The following DYM variants were observed in gnomAD, a reference collection of about 807,000 sequenced individuals.
DYM encodes the protein dymeclin.
In DYM, 78 loss-of-function variants were observed where a neutral mutation model predicts 93.1. That is an observed-to-expected ratio of 0.84 (90% CI 0.70 to 1.01). The LOEUF is 1.01. Among genes scored for constraint, DYM ranks in the 50% least tolerant of loss-of-function variants. The pLI is 0.00. For synonymous variants in DYM, 321 were observed against 319.7 expected (o/e 1.00, Z -0.04); for missense variants, 789 against 845.0 (o/e 0.93, Z 0.82).
At chr18:49,459,127 T>C (rs1001515211) in intron 1 of DYM, among the ~76,000 whole-genome samples, 4 of 152,242 alleles carry the variant, frequency 2.6e-5, no homozygotes, top group South Asian at 2.1e-4. Flanking sequence ...GACTTCTTAA[T>C]AGCTGAATCT....
At chr18:49,261,891 C>A (rs1223284864) in intron 11 of DYM, among the ~76,000 whole-genome samples, 3 of 152,074 alleles carry the variant, frequency 2.0e-5, no homozygotes, top group African/African-American at 7.2e-5. Context: ...ATTACTTTAT[C>A]TGCATATATA....
intron 1 of DYM, among the ~76,000 whole-genome samples, chr18:49,447,110 G>A (rs2082156897): frequency 1.3e-5 from 2 of 151,980 alleles, no homozygotes; most frequent in African/African-American, 4.8e-5. Context: ...GGGTTGGCCT[G>A]GGTGGATGTG....
At chr18:49,414,096 T>C (rs995277473) in intron 2 of DYM, among the ~76,000 whole-genome samples, 3 of 17,842 alleles carry the variant, frequency 1.7e-4, no homozygotes, top group Non-Finnish European at 2.9e-4. Flanking sequence ...ATTCCACTTA[T>C]ATGACAATAC....
chr18:49,074,205 A>G (rs1446185317), intron 17 of DYM, among the ~76,000 whole-genome samples: 1 of 152,016 alleles, frequency 6.6e-6, no homozygotes, highest in Non-Finnish European at 1.5e-5. Flanking sequence ...ATTCTGAGGA[A>G]AAAACAAGGA....
chr18:49,329,178 G>C (rs1788121), intron 8 of DYM, among the ~76,000 whole-genome samples: 2,721 of 150,956 alleles, frequency 0.018, 31 homozygotes, highest in Middle Eastern at 0.027. Flanking sequence ...GCAAACTATT[G>C]CAAGGACAGA....
chr18:49,440,922 T>TA lies in DYM; in HGVS notation c.-53-10476dup, dbSNP rs2081342894. 1.9e-3 allele frequency among the ~76,000 whole-genome samples: 10 copies of TA among 5,350 alleles called. 3 individuals carry two copies. The highest frequency in any genetic ancestry group is 4.9e-3 in the African/African-American group (8 of 1,624). The allele number at this position is 5,350 out of a possible 152,430, so 3.5% of individuals were successfully genotyped here. A position where few individuals can be genotyped will look rare whatever the true frequency, so the allele number is the denominator to read the frequency against. On this transcript the variant is annotated intron_variant, in intron 1 of 17. Transcript: ENST00000675505. Reference sequence around the variant, plus strand: ...TTATATAAATATATTATATTTTATATAATATATTATATAATATATAATATA... The same window carrying TA: ...TTATATAAATATATTATATTTTATATAAATATATTATATAATATATAATATA...
At chr18:49,114,727 TCTC>T (rs2081771847) in intron 16 of DYM, 1 of 235,776 alleles carries the variant, frequency 4.2e-6, no homozygotes, top group Non-Finnish European at 6.9e-6. Context: ...CTCAAGAGAT[TCTC>T]CTGACTCAGT....
intron 2 of DYM, among the ~76,000 whole-genome samples, chr18:49,417,532 C>A (rs2073131859): frequency 6.6e-6 from 1 of 150,896 alleles, no homozygotes; most frequent in South Asian, 2.1e-4. Flanking sequence ...AATGGTAAAT[C>A]CAATTAATTT....
chr18:49,352,575 G>GT (rs138097593), intron 6 of DYM, among the ~76,000 whole-genome samples: 3,971 of 152,278 alleles, frequency 0.026, 162 homozygotes, highest in African/African-American at 0.089. Flanking sequence ...TGAGAGGGAT[G>GT]TAATTGAATT....
intron 6 of DYM, among the ~76,000 whole-genome samples, chr18:49,353,620 T>A (rs771073863): frequency 6.6e-6 from 1 of 151,892 alleles, no homozygotes; most frequent in Non-Finnish European, 1.5e-5. Flanking sequence ...AAGGAGATAA[T>A]CATCTGAGCA....
intron 17 of DYM, among the ~76,000 whole-genome samples, chr18:49,093,991 G>T (rs944773453): frequency 3.3e-5 from 5 of 152,128 alleles, no homozygotes; most frequent in African/African-American, 1.2e-4. Context: ...TAATTCCTAT[G>T]ACTTATCAAG....
rs2067855688 is a variant in DYM at position 49,379,699 on chromosome 18, T to A, written c.253A>T (p.Thr85Ser). The change falls in exon 4 of 18, where the codon ACC becomes TCC. Residue 85 changes from threonine to serine, a missense_variant. Around this residue, in one of 3 missense-constraint regions of DYM, gnomAD observed 450 missense variants for 436.2 expected, o/e 1.03. Transcript: ENST00000675505. Reference protein sequence around the residue: ...GALIKVFLSRTKELKLSAECQ... With the variant: ...GALIKVFLSRSKELKLSAECQ... ...TCTGCTGAAAGTTTTAGTTCTTTGG[T>A]TCTAGAAAGGAAGACCTTAATTAGT... 1 of 1,613,378 alleles carries A rather than the reference T, an allele frequency of 6.2e-7. No individual in the cohort carries two copies. Among genetic ancestry groups the A allele is most frequent in the Non-Finnish European group, 8.5e-7 (1 of 1,179,510 alleles).
intron 5 of DYM, among the ~76,000 whole-genome samples, chr18:49,369,000 A>G (rs767540459): frequency 6.6e-6 from 1 of 152,256 alleles, no homozygotes; most frequent in Non-Finnish European, 1.5e-5. Flanking sequence ...GCGTGAGGCC[A>G]ATGCTGACTG....
intron 17 of DYM, chr18:49,048,555 T>C (rs988517770): frequency 1.3e-5 from 2 of 152,244 alleles, no homozygotes; most frequent in African/African-American, 4.8e-5. Context: ...TATGCAAGGC[T>C]GCTTTCCGCA....
At chr18:49,079,536 G>A (rs12954954) in intron 17 of DYM, among the ~76,000 whole-genome samples, 47,867 of 151,610 alleles carry the variant, frequency 0.32, 8,820 homozygotes, top group Middle Eastern at 0.46. Flanking sequence ...GTTTTCCTAG[G>A]CAGAGGACCC....
At chr18:49,131,855 G>A (rs2083407767) in intron 15 of DYM, among the ~76,000 whole-genome samples, 1 of 152,032 alleles carries the variant, frequency 6.6e-6, no homozygotes, top group African/African-American at 2.4e-5. Context: ...ACACCAAAAG[G>A]AAACAAAAGG....
chr18:49,051,991 AGAGAT>A (rs1389646117), intron 17 of DYM, among the ~76,000 whole-genome samples: 5 of 152,248 alleles, frequency 3.3e-5, no homozygotes, highest in Admixed American at 6.5e-5. Context: ...AAGGGAGCAG[AGAGAT>A]TGTTCCTTAG....
Position 49,403,624 on chromosome 18 carries a change from G to A in DYM, c.141-11979C>T, listed in dbSNP as rs187316729. 5.1e-4 allele frequency among the ~76,000 whole-genome samples: 78 copies of A among 152,002 alleles called. 1 individual carries two copies. Among genetic ancestry groups the A allele is most frequent in the South Asian group, 2.5e-3 (12 of 4,810 alleles). Reference sequence around the variant, plus strand: ...CTTTTATTTTGAATTCAGAGTGTACGTGTGCAGGTTTGTTACATGGGTATA... The same window carrying A: ...CTTTTATTTTGAATTCAGAGTGTACATGTGCAGGTTTGTTACATGGGTATA... On this transcript the variant is annotated intron_variant, in intron 2 of 17. Transcript: ENST00000675505.
chr18:49,172,612 T>C (rs1337290141), intron 14 of DYM, among the ~76,000 whole-genome samples: 1 of 152,208 alleles, frequency 6.6e-6, no homozygotes, highest in East Asian at 1.9e-4. Flanking sequence ...TTCTTCTCCC[T>C]GAGTTGTAAG....
Sources: gnomAD v4.1 joint callset for allele counts (sites outside exome capture counted in the v4.1 genomes callset) on GRCh38, gnomAD v4.1.1 for gene constraint, gnomAD v4.1.1 regional missense constraint, MANE v1.5 for transcripts, NCBI Gene and HGNC (gene_info 2026-07-23, HGNC 2026-07-21) for gene names.